Variants in RPTOR observed in about 807,000 individuals in gnomAD.
RPTOR encodes regulatory-associated protein of mTOR.
Under a neutral mutation model 169.9 loss-of-function variants are expected in RPTOR, and 21 were observed. That is an observed-to-expected ratio of 0.12 (90% CI 0.09 to 0.18). The LOEUF is 0.18. RPTOR is among the 10% of genes least tolerant of loss of function. The pLI is 1.00. For missense variants in RPTOR, 1,133 were observed against 1,855.9 expected (o/e 0.61, Z 7.16); for synonymous variants, 732 against 753.2 (o/e 0.97, Z 0.46).
intron 7 of RPTOR, 109 bp from the exon 8 acceptor site, chr17:80,822,092 C>T (rs1161575654): frequency 1.1e-6 from 1 of 940,090 alleles, no homozygotes; most frequent in African/African-American, 1.6e-5. Flanking sequence ...AGCCTTCCTC[C>T]CTCGCTCAGA....
chr17:80,779,714 A>G (rs1184839534), intron 6 of RPTOR, among the ~76,000 whole-genome samples: 2 of 152,160 alleles, frequency 1.3e-5, no homozygotes, highest in Non-Finnish European at 2.9e-5. Flanking sequence ...AGCAGATAAA[A>G]GCAGCAAGTG....
chr17:80,724,984 T>TG (rs1298712593), intron 4 of RPTOR, among the ~76,000 whole-genome samples: 1 of 152,236 alleles, frequency 6.6e-6, no homozygotes, highest in African/African-American at 2.4e-5. Context: ...TGCCGTTCTC[T>TG]TCTTTGTACT....
chr17:80,944,461 G>A (rs1048191329), intron 25 of RPTOR, among the ~76,000 whole-genome samples: 1 of 152,230 alleles, frequency 6.6e-6, no homozygotes, highest in Non-Finnish European at 1.5e-5. Flanking sequence ...CTCGGCATCA[G>A]GAGCTTTGGG....
Position 80,957,178 on chromosome 17 carries a change from T to G in RPTOR, c.3371-446T>G. Reference sequence around the variant, plus strand: ...TGTCACCCCGGCCTGGACTTGGGAGTTCCAGCTTAGAACTGTCACCCCGGC... The same window carrying G: ...TGTCACCCCGGCCTGGACTTGGGAGGTCCAGCTTAGAACTGTCACCCCGGC... On this transcript the variant is annotated intron_variant, in intron 28 of 33. Coordinates refer to ENST00000306801, the MANE Select transcript of RPTOR (RefSeq NM_020761.3). This position sits in a 1 kb window ranked among gnomAD's most constrained non-coding sequence, Gnocchi z 4.6. Among the ~76,000 whole-genome samples, 6 of 20,912 alleles carry G rather than the reference T, an allele frequency of 2.9e-4. No individual in the cohort carries two copies. Among genetic ancestry groups the G allele is most frequent in the African/African-American group, 2.3e-3 (6 of 2,660 alleles). The allele number at this position is 20,912 out of a possible 152,430, so 13.7% of individuals were successfully genotyped here. A position where few individuals can be genotyped will look rare whatever the true frequency, so the allele number is the denominator to read the frequency against.
intron 24 of RPTOR, 121 bp downstream of exon 24, chr17:80,925,601 G>A: frequency 1.3e-6 from 1 of 760,600 alleles, no homozygotes; most frequent in Non-Finnish European, 2.2e-6. Context: ...TCGTGGTAGT[G>A]ATGGTCACGG....
chr17:80,912,579 T>A (rs1247879236), intron 21 of RPTOR, among the ~76,000 whole-genome samples: 1 of 152,096 alleles, frequency 6.6e-6, no homozygotes, highest in East Asian at 1.9e-4. Context: ...CTTGGGAAGC[T>A]CTCGAGCCTG....
intron 1 of RPTOR, among the ~76,000 whole-genome samples, chr17:80,561,365 TC>T (rs1163906962): frequency 2.0e-5 from 3 of 150,566 alleles, no homozygotes; most frequent in Non-Finnish European, 4.4e-5. Flanking sequence ...AGCCTCGGCC[TC>T]CCAAAGTGCT....
Position 80,958,556 on chromosome 17 carries a change from G to A in RPTOR, c.3477+826G>A, listed in dbSNP as rs545989677. ...CTCCCGAGTAGCTGGGACTACAAGC[G>A]CCCACCACCACGCCCAGCTAATTTT... On this transcript the variant is annotated intron_variant, in intron 29 of 33. Coordinates refer to ENST00000306801, the MANE Select transcript of RPTOR (RefSeq NM_020761.3). Among the ~76,000 whole-genome samples the A allele has an allele frequency of 1.1e-3, 169 of 151,518 alleles. 1 individual carries two copies. Among genetic ancestry groups the A allele is most frequent in the Non-Finnish European group, 1.3e-3 (85 of 67,888 alleles).
chr17:80,769,833 G>C (rs1174310732), intron 6 of RPTOR, among the ~76,000 whole-genome samples: 1 of 152,298 alleles, frequency 6.6e-6, no homozygotes, highest in Admixed American at 6.5e-5. Context: ...GCCAGGACAC[G>C]AGAGGGAGGG....
chr17:80,881,987 T>C (rs997472919), intron 14 of RPTOR, among the ~76,000 whole-genome samples: 5 of 152,242 alleles, frequency 3.3e-5, no homozygotes, highest in Non-Finnish European at 7.3e-5. Context: ...TTGATTTTTC[T>C]AAACTCATAA....
At chr17:80,842,019 A>G (rs78651547) in intron 10 of RPTOR, among the ~76,000 whole-genome samples, 3,292 of 112,244 alleles carry the variant, frequency 0.029, 115 homozygotes, top group African/African-American at 0.097. Flanking sequence ...CACTCTCACC[A>G]CACGGCAGCT....
At chr17:80,905,800 G>A (rs2068534919) in intron 20 of RPTOR, among the ~76,000 whole-genome samples, 1 of 152,168 alleles carries the variant, frequency 6.6e-6, no homozygotes. Flanking sequence ...AGTCTGCCAG[G>A]GCCGCCGGGA....
intron 24 of RPTOR, among the ~76,000 whole-genome samples, chr17:80,927,299 G>A (rs905648374): frequency 4.3e-4 from 66 of 152,198 alleles, no homozygotes; most frequent in Non-Finnish European, 9.3e-4. Context: ...GACAAGGTCA[G>A]GCGACTAAGA....
intron 6 of RPTOR, among the ~76,000 whole-genome samples, chr17:80,782,036 A>G (rs2066946835): frequency 6.6e-6 from 1 of 152,180 alleles, no homozygotes; most frequent in South Asian, 2.1e-4. Context: ...TTCTTAAATG[A>G]TCTGCGCGAG....
Position 80,658,359 on chromosome 17 carries a change from A to T in RPTOR, c.348+14549A>T, listed in dbSNP as rs534285347. 9.2e-5 allele frequency among the ~76,000 whole-genome samples: 14 copies of T among 152,204 alleles called. No homozygotes were observed. In the South Asian group the frequency reaches 2.7e-3, roughly 29 times the overall value. The stretch of plus-strand genomic sequence containing the variant: ...TTTACCTCTATTTCATTTTTGAAGG[A>T]TATTTTTGCTGTGTGTAGAATTCTA... On this transcript the variant is annotated intron_variant, in intron 3 of 33. Coordinates refer to ENST00000306801, the MANE Select transcript of RPTOR (RefSeq NM_020761.3).
intron 5 of RPTOR, among the ~76,000 whole-genome samples, chr17:80,743,885 TA>T (rs2066521857): frequency 9.8e-6 from 1 of 102,026 alleles, no homozygotes; most frequent in Admixed American, 8.5e-5. Context: ...CCCTGGCTAC[TA>T]GCACTGTCCT....
At chr17:80,744,016 C>G (rs2589145) in intron 5 of RPTOR, among the ~76,000 whole-genome samples, 5 of 81,586 alleles carry the variant, frequency 6.1e-5, no homozygotes, top group African/African-American at 2.1e-4. Context: ...GTTACTAGCA[C>G]AGCCCTGGTT....
chr17:80,642,731 TCAAA>T (rs967334561), intron 2 of RPTOR, among the ~76,000 whole-genome samples: 1 of 152,198 alleles, frequency 6.6e-6, no homozygotes, highest in African/African-American at 2.4e-5. Flanking sequence ...TGGTGTAGTA[TCAAA>T]CAAAAAGAGT....
chr17:80,692,113 T>C (rs1207053589), intron 3 of RPTOR, among the ~76,000 whole-genome samples: 1 of 152,164 alleles, frequency 6.6e-6, no homozygotes. Flanking sequence ...TTACCCTGTA[T>C]TTTTATTTAT....
Sources: allele counts gnomAD v4.1 joint callset (sites outside exome capture counted in the v4.1 genomes callset), GRCh38; gene constraint gnomAD v4.1.1; non-coding constraint Gnocchi (gnomAD v3.1); transcripts MANE v1.5; gene names NCBI Gene and HGNC (gene_info 2026-07-23, HGNC 2026-07-21).